The following NTRK3 variants were observed in gnomAD, a reference collection of about 807,000 sequenced individuals.
NTRK3 encodes neurotrophic receptor tyrosine kinase 3.
Under a neutral mutation model 91.7 loss-of-function variants are expected in NTRK3, and 24 were observed. That is an observed-to-expected ratio of 0.26 (90% CI 0.19 to 0.37). The LOEUF (loss-of-function observed/expected upper bound fraction) is 0.37. Ranked by LOEUF, NTRK3 falls within the 10% of genes least tolerant of loss-of-function variation. The pLI, the probability that NTRK3 is intolerant of heterozygous loss-of-function variation, is 1.00. For synonymous variants in NTRK3, 483 were observed against 404.0 expected, an observed-to-expected ratio of 1.20 and a Z score of -2.34; for missense variants, 880 against 1,068.9, an observed-to-expected ratio of 0.82 and a Z score of 2.46.
At chr15:87,895,230 C>A (rs2141601021) in intron 17 of NTRK3, among the ~76,000 whole-genome samples, 1 of 152,278 alleles carries the variant, frequency 6.6e-6, no homozygotes, top group African/African-American at 2.4e-5. Context: ...AACTGAAGTC[C>A]CACAGTGTCT....
chr15:88,229,283 C>T (rs1260117804), intron 3 of NTRK3, among the ~76,000 whole-genome samples: 1 of 152,140 alleles, frequency 6.6e-6, no homozygotes, highest in Non-Finnish European at 1.5e-5. Flanking sequence ...GGAACTAAAG[C>T]TTGAAGAGGT....
intron 3 of NTRK3, among the ~76,000 whole-genome samples, chr15:88,216,472 G>T (rs1425987561): frequency 6.6e-6 from 1 of 152,156 alleles, no homozygotes; most frequent in Admixed American, 6.5e-5. Flanking sequence ...TCTCCCTGGG[G>T]CTGACCAGCC....
intron 14 of NTRK3, among the ~76,000 whole-genome samples, chr15:87,951,086 G>C (rs1466482766): frequency 6.6e-6 from 1 of 152,150 alleles, no homozygotes; most frequent in African/African-American, 2.4e-5. Context: ...ACTGTCCTCT[G>C]AGCAACCATG....
intron 13 of NTRK3, among the ~76,000 whole-genome samples, chr15:88,064,079 A>G (rs1263455816): frequency 2.0e-5 from 3 of 152,208 alleles, no homozygotes. Flanking sequence ...ACAGAAAAGG[A>G]CACAGAGACA....
At chr15:88,107,406 G>A (rs971068107) in intron 13 of NTRK3, among the ~76,000 whole-genome samples, 2 of 152,208 alleles carry the variant, frequency 1.3e-5, no homozygotes, top group Non-Finnish European at 2.9e-5. Context: ...TCACATTACT[G>A]CACTCCAGCC....
At chr15:88,083,905 T>C (rs368534954) in intron 13 of NTRK3, among the ~76,000 whole-genome samples, 4,626 of 152,096 alleles carry the variant, frequency 0.03, 223 homozygotes, top group African/African-American at 0.1. Flanking sequence ...TCTCCAGCAA[T>C]CCCACAGCCT....
At chr15:88,187,286 G>C (rs950267892) in intron 3 of NTRK3, among the ~76,000 whole-genome samples, 2 of 152,174 alleles carry the variant, frequency 1.3e-5, no homozygotes, top group African/African-American at 4.8e-5. Flanking sequence ...ACAGGTTCAA[G>C]GAGTGCATAG....
rs564470889 is a variant in NTRK3 at position 88,221,529 on chromosome 15, C to T, written c.248+34377G>A. On this transcript the variant is annotated intron_variant, in intron 3 of 18. Transcript: ENST00000394480. ...GTTTACCGTCAGGTGCGGTGGCTCACGCCTGTAATCCCAACACCTGGGAGG... is the reference window on the plus strand; with the variant it reads ...GTTTACCGTCAGGTGCGGTGGCTCATGCCTGTAATCCCAACACCTGGGAGG... 3.9e-5 allele frequency among the ~76,000 whole-genome samples: 6 copies of T among 152,306 alleles called. No individual in the cohort carries two copies. The East Asian group carries it at 7.7e-4, about 20-fold the overall frequency.
At chr15:87,913,602 G>A (rs2067246948) in intron 17 of NTRK3, among the ~76,000 whole-genome samples, 1 of 152,092 alleles carries the variant, frequency 6.6e-6, no homozygotes, top group South Asian at 2.1e-4. Flanking sequence ...CTATTAATAT[G>A]TACCCTCCCT....
rs376478994 is a variant in NTRK3 at position 87,900,518 on chromosome 15, A to G, written c.2134-20090T>C. Among the ~76,000 whole-genome samples the G allele has an allele frequency of 2.6e-5, 4 of 152,292 alleles. No homozygotes were observed. The East Asian group carries it at 5.8e-4, about 22-fold the overall frequency. ...ATGTTTTCTTTTGGTCTCAATGTTCATACTTGGAATAATGACATAGTTGGA... is the reference window on the plus strand; with the variant it reads ...ATGTTTTCTTTTGGTCTCAATGTTCGTACTTGGAATAATGACATAGTTGGA... On this transcript the variant is annotated intron_variant, in intron 17 of 18. Transcript: ENST00000394480.
chr15:87,949,336 C>G (rs975298945), intron 14 of NTRK3, among the ~76,000 whole-genome samples: 7 of 152,092 alleles, frequency 4.6e-5, no homozygotes, highest in Admixed American at 3.9e-4. Context: ...TCCGGCTCCC[C>G]AGACTTCTAA....
In NTRK3 at chr15:88,234,302, T is replaced by C. The variant is rs2051482791; in HGVS notation, c.248+21604A>G. Among the ~76,000 whole-genome samples, 3 of 152,204 alleles carry C rather than the reference T, an allele frequency of 2.0e-5. No homozygotes were observed. The South Asian group carries it at 6.2e-4, about 32-fold the overall frequency. On this transcript the variant is annotated intron_variant, in intron 3 of 18. Coordinates refer to ENST00000394480, the Ensembl canonical transcript of NTRK3. The surrounding 1 kb of genome is among the most constrained non-coding windows in gnomAD (Gnocchi z 6.1). ...TCCTTCATTCATTCATTCTCCTTCA[T>C]TGATTGATGCATGCATCAGCCCTGC...
exon 19 of NTRK3, chr15:87,876,882 G>A (rs2064969509): frequency 6.3e-7 from 1 of 1,590,024 alleles, no homozygotes; most frequent in Non-Finnish European, 8.6e-7. Context: ...AGGGAGATGT[G>A]AGGCAGGGAG....
At chr15:87,937,488 C>G (rs2069408225) in intron 15 of NTRK3, among the ~76,000 whole-genome samples, 1 of 152,100 alleles carries the variant, frequency 6.6e-6, no homozygotes, top group African/African-American at 2.4e-5. Context: ...TTTTAAGCTC[C>G]TGCTTCAATT....
chr15:88,187,346 GC>G (rs1467151793), intron 3 of NTRK3, among the ~76,000 whole-genome samples: 1 of 152,106 alleles, frequency 6.6e-6, no homozygotes, highest in Non-Finnish European at 1.5e-5. Context: ...TGAAGATGAG[GC>G]CCTGACATTT....
At chr15:87,871,145 C>T (rs2064819054) in exon 19 of NTRK3, 3 of 231,314 alleles carry the variant, frequency 1.3e-5, no homozygotes, top group Middle Eastern at 1.3e-3. Context: ...CCCCCCACCC[C>T]AATCCAACCT....
intron 3 of NTRK3, among the ~76,000 whole-genome samples, chr15:88,197,210 T>A (rs1195300558): frequency 6.8e-6 from 1 of 146,936 alleles, no homozygotes; most frequent in African/African-American, 2.5e-5. Flanking sequence ...CCACATCTAC[T>A]CAAAAGGCTC....
intron 13 of NTRK3, among the ~76,000 whole-genome samples, chr15:88,111,824 G>A (rs2051392477): frequency 6.6e-6 from 1 of 151,944 alleles, no homozygotes; most frequent in Non-Finnish European, 1.5e-5. Context: ...TGGTAACAAT[G>A]ATACAATTTG....
intron 13 of NTRK3, among the ~76,000 whole-genome samples, chr15:88,036,410 G>T (rs1470550859): frequency 1.4e-5 from 2 of 145,262 alleles, no homozygotes; most frequent in Non-Finnish European, 3.1e-5. Flanking sequence ...TTTTAACCTG[G>T]AAATCTACAC....
Sources: gnomAD v4.1 joint callset for allele counts (sites outside exome capture counted in the v4.1 genomes callset) on GRCh38, gnomAD v4.1.1 for gene constraint, Gnocchi (gnomAD v3.1) non-coding constraint, MANE v1.5 for transcripts, NCBI Gene and HGNC (gene_info 2026-07-23, HGNC 2026-07-21) for gene names.